SAMD4A: variants seen among roughly 807,000 people sequenced by gnomAD.
SAMD4A encodes the protein protein Smaug homolog 1.
A neutral mutation model predicts 81.3 loss-of-function variants in SAMD4A; 33 were observed. The ratio of observed to expected loss-of-function variants is 0.41; its 90% CI spans 0.31 to 0.54. The LOEUF (loss-of-function observed/expected upper bound fraction) is 0.54, where lower values mean the gene tolerates loss of function less well. Among genes scored for constraint, SAMD4A ranks in the 20% least tolerant of loss-of-function variants. The probability of loss-of-function intolerance (pLI) is 0.37; values close to 1 mark genes in which losing one functional copy is unlikely to be tolerated. For missense variants in SAMD4A, 854 were observed against 951.1 expected (o/e 0.90, Z 1.34); for synonymous variants, 389 against 382.1 (o/e 1.02, Z -0.21).
chr14:54,643,787 G>T (rs537888389), intron 2 of SAMD4A, among the ~76,000 whole-genome samples: 3 of 152,184 alleles, frequency 2.0e-5, no homozygotes, highest in African/African-American at 7.2e-5. Context: ...ACTTCTCCCT[G>T]ACTGAAGAGA....
intron 2 of SAMD4A, among the ~76,000 whole-genome samples, chr14:54,667,644 C>T (rs1349785580): frequency 6.6e-6 from 1 of 152,204 alleles, no homozygotes; most frequent in Non-Finnish European, 1.5e-5. Context: ...GGGCGAGTGA[C>T]TTGTGGGGAC....
intron 2 of SAMD4A, among the ~76,000 whole-genome samples, chr14:54,591,271 C>G (rs189993094): frequency 5.3e-5 from 8 of 152,240 alleles, no homozygotes; most frequent in Non-Finnish European, 8.8e-5. Flanking sequence ...TCTAGGGGTA[C>G]TTTAGAAATT....
chr14:54,745,077 C>T (rs1263892878), intron 4 of SAMD4A, among the ~76,000 whole-genome samples: 8 of 152,166 alleles, frequency 5.3e-5, no homozygotes, highest in East Asian at 1.9e-4. Flanking sequence ...TCCCCTGCCA[C>T]GCATCCCAAG....
chr14:54,715,634 C>A (rs1173514596), intron 3 of SAMD4A, among the ~76,000 whole-genome samples: 2 of 151,918 alleles, frequency 1.3e-5, no homozygotes, highest in East Asian at 3.9e-4. Flanking sequence ...GAAGTAAGCA[C>A]CATATTAATG....
At chr14:54,723,261 C>T (rs1055813979) in intron 3 of SAMD4A, among the ~76,000 whole-genome samples, 4 of 152,132 alleles carry the variant, frequency 2.6e-5, no homozygotes, top group East Asian at 3.9e-4. Flanking sequence ...CTTTGTGCAC[C>T]ATTTGGGGAA....
intron 2 of SAMD4A, among the ~76,000 whole-genome samples, chr14:54,594,503 A>C (rs1471779270): frequency 1.3e-5 from 2 of 152,254 alleles, no homozygotes; most frequent in Non-Finnish European, 2.9e-5. Context: ...TACAGACCAC[A>C]TGCAGTTTCT....
intron 3 of SAMD4A, among the ~76,000 whole-genome samples, chr14:54,726,608 T>C (rs2037420879): frequency 6.6e-6 from 1 of 152,082 alleles, no homozygotes; most frequent in African/African-American, 2.4e-5. Flanking sequence ...GGACAAAGTT[T>C]GGGGGAAAGT....
At chr14:54,620,372 A>G (rs1481909487) in intron 2 of SAMD4A, among the ~76,000 whole-genome samples, 1 of 152,136 alleles carries the variant, frequency 6.6e-6, no homozygotes, top group Non-Finnish European at 1.5e-5. Flanking sequence ...CATCATCATC[A>G]TCATCATCAT....
intron 6 of SAMD4A, chr14:54,754,937 G>C: frequency 1.4e-6 from 1 of 717,054 alleles, no homozygotes; most frequent in African/African-American, 1.9e-5. Flanking sequence ...AGCTGGGGAC[G>C]TGCATTGGGA....
At chr14:54,729,043 T>C (rs1353271024) in intron 3 of SAMD4A, among the ~76,000 whole-genome samples, 1 of 152,196 alleles carries the variant, frequency 6.6e-6, no homozygotes, top group Non-Finnish European at 1.5e-5. Context: ...ATTCAAGCAA[T>C]TGACTCACTG....
At chr14:54,570,875 A>G (rs950975125) in intron 2 of SAMD4A, among the ~76,000 whole-genome samples, 1 of 152,180 alleles carries the variant, frequency 6.6e-6, no homozygotes, top group African/African-American at 2.4e-5. Flanking sequence ...TGACTCATTC[A>G]TTGGATTGCT....
chr14:54,610,034 A>C (rs2034314393), intron 2 of SAMD4A, among the ~76,000 whole-genome samples: 2 of 152,156 alleles, frequency 1.3e-5, no homozygotes, highest in South Asian at 2.1e-4. Context: ...TTTAACTTTC[A>C]TCTGCTTAGT....
rs148637419 is a variant in SAMD4A, at chr14:54,655,832, TG to T, written c.197-46228del. Among the ~76,000 whole-genome samples, 138 of 152,270 alleles carry T rather than the reference TG, an allele frequency of 9.1e-4. No individual in the cohort carries two copies. The East Asian group carries it at 0.017, about 19-fold the overall frequency. On this transcript the variant is annotated intron_variant, in intron 2 of 12. Coordinates refer to ENST00000554335, the MANE Select transcript of SAMD4A (RefSeq NM_015589.6). ...CAAGCCTTGCTTCTTACTACTTTTG[TG>T]GTATTGGGCAACTTATTTCACCACC...
rs984805835 is a variant in SAMD4A, at chr14:54,736,872, C to A, written c.716-152C>A. 3.5e-5 allele frequency: 31 copies of A among 877,168 alleles called. No individual in the cohort carries two copies. The South Asian group carries it at 4.9e-4, about 14-fold the overall frequency. The allele number at this position is 877,168 out of a possible 1,614,324, so 54.3% of individuals were successfully genotyped here. A position where few individuals can be genotyped will look rare whatever the true frequency, so the allele number is the denominator to read the frequency against. On this transcript the variant is annotated intron_variant, in intron 3 of 12. Coordinates refer to ENST00000554335, the MANE Select transcript of SAMD4A (RefSeq NM_015589.6). ...CTTTTAAACCACCTGAAGAAAACGACCATGCCAGGCCTGTATTCAACCTGC... is the reference window on the plus strand; with the variant it reads ...CTTTTAAACCACCTGAAGAAAACGAACATGCCAGGCCTGTATTCAACCTGC...
chr14:54,790,908 G>C lies in SAMD4A; in HGVS notation c.*1964G>C, dbSNP rs2039248769. The C allele has an allele frequency of 6.6e-6, 1 of 151,952 alleles. No individual in the cohort carries two copies. Among genetic ancestry groups the C allele is most frequent in the African/African-American group, 2.4e-5 (1 of 41,332 alleles). 9.4% of individuals were successfully genotyped at this position (151,952 alleles called of 1,614,324 possible). On this transcript the variant is annotated 3_prime_UTR_variant, in exon 13 of 13. Coordinates refer to ENST00000554335, the MANE Select transcript of SAMD4A (RefSeq NM_015589.6). ...TTTGAAGCCCTTTTGAGTCTAAGAA[G>C]GTGAGAACAATGTAACCATAGAAAG... is the stretch of plus-strand genomic sequence containing the variant.
At chr14:54,647,899 A>C (rs1299369815) in intron 2 of SAMD4A, among the ~76,000 whole-genome samples, 1 of 152,198 alleles carries the variant, frequency 6.6e-6, no homozygotes, top group Non-Finnish European at 1.5e-5. Flanking sequence ...TGTTGATAAA[A>C]GTGTTGGGTT....
intron 2 of SAMD4A, among the ~76,000 whole-genome samples, chr14:54,622,293 G>A (rs1488261286): frequency 6.6e-6 from 1 of 152,114 alleles, no homozygotes; most frequent in African/African-American, 2.4e-5. Context: ...TTAATACGTG[G>A]TCATTCTTAG....
chr14:54,771,257 A>G (rs151292409), intron 9 of SAMD4A, among the ~76,000 whole-genome samples: 1 of 152,338 alleles, frequency 6.6e-6, no homozygotes, highest in East Asian at 1.9e-4. Flanking sequence ...TAGCACTTAC[A>G]TATGCCAAGT....
intron 2 of SAMD4A, among the ~76,000 whole-genome samples, chr14:54,613,856 G>A (rs187787947): frequency 8.5e-5 from 13 of 152,304 alleles, no homozygotes; most frequent in Admixed American, 2.0e-4. Context: ...TCACAATAAC[G>A]CTAAGACATT....
Sources: allele counts gnomAD v4.1 joint callset (sites outside exome capture counted in the v4.1 genomes callset), GRCh38; gene constraint gnomAD v4.1.1; transcripts MANE v1.5; gene names NCBI Gene and HGNC (gene_info 2026-07-23, HGNC 2026-07-21).